The following CREBL2 variants were observed in gnomAD, a reference collection of about 807,000 sequenced individuals.
The protein encoded by CREBL2 is cAMP responsive element binding protein like 2.
CREBL2 carries 4 observed loss-of-function variants against 19.5 expected under a neutral mutation model. The observed-to-expected ratio is 0.20, with a 90% CI of 0.10 to 0.47. The LOEUF (loss-of-function observed/expected upper bound fraction) is 0.47, where lower values mean the gene tolerates loss of function less well. Ranked by LOEUF, CREBL2 falls within the 20% of genes least tolerant of loss-of-function variation. CREBL2 has a pLI of 0.98. For synonymous variants in CREBL2, 42 were observed against 46.6 expected (o/e 0.90, Z 0.40); for missense variants, 85 against 145.1 (o/e 0.59, Z 2.13).
At chr12:12,625,545 A>G (rs1272968676) in intron 1 of CREBL2, among the ~76,000 whole-genome samples, 2 of 152,220 alleles carry the variant, frequency 1.3e-5, no homozygotes, top group Non-Finnish European at 2.9e-5. Flanking sequence ...AAATTATATG[A>G]TCAGATTAAT....
intron 3 of CREBL2, among the ~76,000 whole-genome samples, chr12:12,641,753 G>T (rs138549600): frequency 6.6e-6 from 1 of 151,868 alleles, no homozygotes; most frequent in Non-Finnish European, 1.5e-5. Flanking sequence ...ATTCACCCAC[G>T]TAACCAAAAA....
chr12:12,626,889 A>AAAAG (rs533020124), intron 1 of CREBL2, among the ~76,000 whole-genome samples: 1 of 151,080 alleles, frequency 6.6e-6, no homozygotes, highest in South Asian at 2.1e-4. Flanking sequence ...AAAAGAAAAG[A>AAAAG]AAAGAAAGAA....
intron 1 of CREBL2, among the ~76,000 whole-genome samples, chr12:12,612,417 T>C (rs1030119903): frequency 5.9e-5 from 9 of 152,166 alleles, no homozygotes; most frequent in African/African-American, 1.9e-4. Flanking sequence ...CCCAGGGCGT[T>C]TGCTAGCTTT....
chr12:12,641,690 G>A (rs750836920), intron 3 of CREBL2, among the ~76,000 whole-genome samples: 4 of 152,098 alleles, frequency 2.6e-5, no homozygotes, highest in Non-Finnish European at 5.9e-5. Context: ...GATAACATTT[G>A]TCTTCATCTA....
intron 1 of CREBL2, among the ~76,000 whole-genome samples, chr12:12,633,593 G>A (rs1945455565): frequency 1.3e-5 from 2 of 152,146 alleles, no homozygotes; most frequent in African/African-American, 2.4e-5. Context: ...CCAGAGCCTT[G>A]GAGTAATCTG....
chr12:12,620,501 A>G (rs1945351337), intron 1 of CREBL2, among the ~76,000 whole-genome samples: 1 of 152,158 alleles, frequency 6.6e-6, no homozygotes, highest in Non-Finnish European at 1.5e-5. Flanking sequence ...AAGTGCTGAG[A>G]TTACGGACAT....
chr12:12,618,279 C>A (rs1176565221), intron 1 of CREBL2, among the ~76,000 whole-genome samples: 1 of 150,966 alleles, frequency 6.6e-6, no homozygotes, highest in Non-Finnish European at 1.5e-5. Context: ...CCAGACGGGG[C>A]GGCTGCCGGG....
chr12:12,617,532 C>G (rs10845593), intron 1 of CREBL2, among the ~76,000 whole-genome samples: 18 of 151,392 alleles, frequency 1.2e-4, no homozygotes, highest in African/African-American at 4.1e-4. Flanking sequence ...AGTACAGACT[C>G]TAACACATAG....
chr12:12,638,744 A>G (rs1266880126), intron 3 of CREBL2, among the ~76,000 whole-genome samples: 1 of 152,226 alleles, frequency 6.6e-6, no homozygotes, highest in African/African-American at 2.4e-5. Flanking sequence ...GCCCAAGGTC[A>G]CACAGCTTTA....
At chr12:12,640,520 T>G (rs1481847611) in intron 3 of CREBL2, among the ~76,000 whole-genome samples, 1 of 152,188 alleles carries the variant, frequency 6.6e-6, no homozygotes, top group African/African-American at 2.4e-5. Flanking sequence ...AACACACATT[T>G]TACAATCAAT....
Position 12,644,994 on chromosome 12 carries a change from T to C in CREBL2, c.*2996T>C, listed in dbSNP as rs908719066. 4 of 152,344 alleles carry C rather than the reference T, an allele frequency of 2.6e-5. No homozygotes were observed. Among genetic ancestry groups the C allele is most frequent in the African/African-American group, 7.2e-5 (3 of 41,592 alleles). 9.4% of individuals were successfully genotyped at this position (152,344 alleles called of 1,614,324 possible). A position where few individuals can be genotyped will look rare whatever the true frequency, so the allele number is the denominator to read the frequency against. ...TTATTTGATCTCTCAGCCTGCTTTC[T>C]CATCTGTAAAAAAGGGGGGAGGATA... is the stretch of plus-strand genomic sequence containing the variant. On this transcript the variant is annotated 3_prime_UTR_variant, in exon 4 of 4. Transcript: ENST00000228865.
rs550849674 is a variant in CREBL2, at chr12:12,629,127, A to G, written c.16-6650A>G. Among the ~76,000 whole-genome samples, 6 of 152,284 alleles carry G rather than the reference A, an allele frequency of 3.9e-5. No homozygotes were observed. The South Asian group carries it at 1.2e-3, about 32-fold the overall frequency. Reference sequence around the variant, plus strand: ...TCCCTCGTATTTCCATGTGAACTTTAGGATTAGCCTGCCAATTTCAGCAAA... The same window carrying G: ...TCCCTCGTATTTCCATGTGAACTTTGGGATTAGCCTGCCAATTTCAGCAAA... On this transcript the variant is annotated intron_variant, in intron 1 of 3. Transcript: ENST00000228865.
chr12:12,642,792 G>T lies in CREBL2; in HGVS notation c.*794G>T, dbSNP rs1945534119. 1 of 152,338 alleles carries T rather than the reference G, an allele frequency of 6.6e-6. No homozygotes were observed. Among genetic ancestry groups the T allele is most frequent in the African/African-American group, 2.4e-5 (1 of 41,410 alleles). 9.4% of individuals were successfully genotyped at this position (152,338 alleles called of 1,614,324 possible). On this transcript the variant is annotated 3_prime_UTR_variant, in exon 4 of 4. Coordinates refer to ENST00000228865, the MANE Select transcript of CREBL2 (RefSeq NM_001310.4). ...TTTTAAGTGAAAAGTAACCTTTCAG[G>T]CATTTCAGCAGCATACATTGACAAT...
chr12:12,633,564 A>G (rs1945455365), intron 1 of CREBL2, among the ~76,000 whole-genome samples: 3 of 152,202 alleles, frequency 2.0e-5, no homozygotes, highest in Admixed American at 1.3e-4. Context: ...CGGTGATGGA[A>G]AGGACAGATT....
intron 3 of CREBL2, 137 bp downstream of exon 3, chr12:12,637,851 G>A: frequency 2.2e-6 from 2 of 894,176 alleles, no homozygotes; most frequent in African/African-American, 1.7e-5. Context: ...GACCAGACAG[G>A]GCAACATGGC....
chr12:12,629,503 A>G (rs1860076856), intron 1 of CREBL2, among the ~76,000 whole-genome samples: 1 of 152,114 alleles, frequency 6.6e-6, no homozygotes, highest in Non-Finnish European at 1.5e-5. Context: ...TAGTAGCTCT[A>G]ATAGGTTTTT....
intron 3 of CREBL2, among the ~76,000 whole-genome samples, 162 bp downstream of exon 3, chr12:12,637,876 A>C (rs1008263312): frequency 6.6e-6 from 1 of 151,862 alleles, no homozygotes; most frequent in Non-Finnish European, 1.5e-5. Flanking sequence ...CCCCATCTCT[A>C]CAAAAAAATA....
At chr12:12,625,194 C>T in intron 1 of CREBL2, among the ~76,000 whole-genome samples, 1 of 152,168 alleles carries the variant, frequency 6.6e-6, no homozygotes, top group East Asian at 1.9e-4. Context: ...GCCGTCATTT[C>T]AGGCTTTTCG....
intron 3 of CREBL2, among the ~76,000 whole-genome samples, chr12:12,641,142 A>G (rs1945513586): frequency 1.3e-5 from 2 of 151,316 alleles, no homozygotes; most frequent in South Asian, 4.2e-4. Context: ...AAGACTTTAA[A>G]ATGAATATGT....
Sources: allele counts gnomAD v4.1 joint callset (sites outside exome capture counted in the v4.1 genomes callset), GRCh38; gene constraint gnomAD v4.1.1; transcripts MANE v1.5; gene names NCBI Gene and HGNC (gene_info 2026-07-23, HGNC 2026-07-21).